PIF1: variants seen among roughly 807,000 people sequenced by gnomAD.
PIF1 encodes the protein ATP-dependent DNA helicase PIF1.
A neutral mutation model predicts 62.3 loss-of-function variants in PIF1; 67 were observed. That is an observed-to-expected ratio of 1.08 (90% confidence interval 0.88 to 1.32). PIF1 has a LOEUF of 1.32. Among genes scored for constraint, PIF1 ranks in the 40% most tolerant of loss-of-function variants. PIF1 has a pLI of 0.00. For synonymous variants in PIF1, 364 were observed against 379.5 expected (o/e 0.96, Z 0.47); for missense variants, 886 against 866.1 (o/e 1.02, Z -0.29).
At position 64,816,707 on chromosome 15, in the gene PIF1, G is replaced by C. The variant is rs375746147; in HGVS notation, c.1733C>G (p.Ala578Gly). The C allele has an allele frequency of 6.8e-6, 11 of 1,612,126 alleles. No homozygotes were observed. Among genetic ancestry groups the C allele is most frequent in the African/African-American group, 4.0e-5 (3 of 74,840 alleles). Reference protein sequence around the residue: ...SLGRVFASGQAYVALSRARSL... With the variant: ...SLGRVFASGQGYVALSRARSL... Reference sequence around the variant, plus strand: ...GCGGGCCCGAGAAAGGGCCACATAGGCCTGGCCACTGGCAAACACACGGCC... The same window carrying C: ...GCGGGCCCGAGAAAGGGCCACATAGCCCTGGCCACTGGCAAACACACGGCC... Residue 578 changes from alanine (A) to glycine (G), a missense_variant, in exon 12 of 13, where the codon GCC (alanine) becomes GGC (glycine). Coordinates refer to ENST00000559239, the MANE Select transcript of PIF1 (RefSeq NM_001286496.2).
intron 11 of PIF1, 122 bp from the exon 12 acceptor site, chr15:64,816,887 T>A: frequency 1.1e-6 from 1 of 888,212 alleles, no homozygotes; most frequent in Non-Finnish European, 1.6e-6. Flanking sequence ...AGAGAGTCTC[T>A]AGACAGAGGG....
rs74778945 is a variant in PIF1, at chr15:64,821,047, C to T, written c.1128G>A (p.Leu376=). 3,787 of 1,614,132 alleles carry T rather than the reference C, an allele frequency of 2.3e-3. 71 individuals are homozygous for T. The African/African-American group carries it at 0.045, about 19-fold the overall frequency. ...WKRCVPVTLE[L]TKVWRQADQT... is the part of the protein sequence containing the mutation. The stretch of plus-strand genomic sequence containing the variant: ...GGTCTGCCTGCCTCCACACCTTGGT[C>T]AGCTCCAGGGTCACTGGCACACACC... The change falls in exon 7 of 13, where the codon CTG becomes CTA. Residue 376 remains leucine (L), a synonymous_variant. Transcript: ENST00000559239.
intron 7 of PIF1, among the ~76,000 whole-genome samples, chr15:64,820,770 T>TCA (rs3057887): frequency 0.96 from 146,657 of 152,280 alleles, 70,706 homozygotes; most frequent in Non-Finnish European, 0.98. Context: ...GTCCCAGCAC[T>TCA]CAGAGCAACC....
At chr15:64,820,064 C>T in intron 7 of PIF1, 78 bp from the exon 8 acceptor site, 1 of 1,544,608 alleles carries the variant, frequency 6.5e-7, no homozygotes, top group Non-Finnish European at 8.8e-7. Context: ...ATGGCTCAAG[C>T]AGCAGGCCAT....
chr15:64,818,375 C>A (rs369834896), intron 9 of PIF1, 31 bp from the exon 10 acceptor site: 3 of 1,603,846 alleles, frequency 1.9e-6, no homozygotes, highest in East Asian at 2.2e-5. Context: ...TGGACAGCAG[C>A]CCCCCTACCC....
rs757504120 is a variant in PIF1 at position 64,818,352 on chromosome 15, G to A, written c.1441-8C>T. ...GTTTTTCACCAGCATCACCTGCAAGGGAGAGAGAGGAATGGACAGCAGCCC... is the reference window on the plus strand; with the variant it reads ...GTTTTTCACCAGCATCACCTGCAAGAGAGAGAGAGGAATGGACAGCAGCCC... On this transcript the variant is annotated splice_polypyrimidine_tract_variant and splice_region_variant and intron_variant, in intron 9 of 12. Coordinates refer to ENST00000559239, the MANE Select transcript of PIF1 (RefSeq NM_001286496.2). 5 of 1,613,602 alleles carry A rather than the reference G, an allele frequency of 3.1e-6. No homozygotes were observed. In the African/African-American group the frequency reaches 5.3e-5, roughly 17 times the overall value.
At position 64,822,123 on chromosome 15, in the gene PIF1, C is replaced by T. The variant is rs1335345177; in HGVS notation, c.817+143G>A. ...CTCCTGGGCTCAAGCGATCCTCCCA[C>T]CTTGGCCTCCTAAAGTTTTGGGATT... On this transcript the variant is annotated intron_variant, in intron 4 of 12. Transcript: ENST00000559239. 4 of 1,062,890 alleles carry T rather than the reference C, an allele frequency of 3.8e-6. No individual in the cohort carries two copies. The African/African-American group carries it at 4.8e-5, about 13-fold the overall frequency. 65.8% of individuals were successfully genotyped at this position (1,062,890 alleles called of 1,614,324 possible).
chr15:64,820,106 A>G, intron 7 of PIF1, 120 bp from the exon 8 acceptor site: 3 of 1,294,754 alleles, frequency 2.3e-6, no homozygotes, highest in Non-Finnish European at 3.2e-6. Flanking sequence ...AGAGGGCACC[A>G]GGGAAGAGTT....
Position 64,816,747 on chromosome 15 carries a change from C to T in PIF1, c.1693G>A (p.Val565Met). The change falls in exon 12 of 13, where the codon GTG becomes ATG. Residue 565 changes from valine (V) to methionine (M), a missense_variant. By Grantham distance (21) the Val-to-Met change is conservative (BLOSUM62 1). Transcript: ENST00000559239. ...AACACACGGCCCAGAGAAATCTCCA[C>T]ACAATCCAGGGTCATGCCCTGGGGG... ...HKSQGMTLDC[V>M]EISLGRVFAS... 6.2e-7 allele frequency: 1 copy of T among 1,606,708 alleles called. No individual in the cohort carries two copies. Among genetic ancestry groups the T allele is most frequent in the African/African-American group, 1.3e-5 (1 of 74,724 alleles).
upstream of PIF1, among the ~76,000 whole-genome samples, chr15:64,826,610 C>A (rs1234551033): frequency 9.4e-6 from 1 of 106,184 alleles, no homozygotes; most frequent in East Asian, 2.8e-4. Context: ...ACTACAGATG[C>A]ACACCCAGCT....
chr15:64,820,733 T>C (rs2084272745), intron 7 of PIF1, among the ~76,000 whole-genome samples: 2 of 148,668 alleles, frequency 1.3e-5, no homozygotes, highest in South Asian at 2.2e-4. Context: ...TGCTAGGTGA[T>C]GGAGACCCAA....
chr15:64,821,565 CTTTTTTTTTTTTTTT>C (rs56305637), intron 4 of PIF1, 45 bp from the exon 5 acceptor site: 12 of 1,249,734 alleles, frequency 9.6e-6, no homozygotes, highest in Non-Finnish European at 9.3e-6. Context: ...CAAAGCCTCT[CTTTTTTTTTTTTTTT>C]TTTTTTTTTG....
upstream of PIF1, chr15:64,825,775 A>T (rs188164397): frequency 1.3e-5 from 2 of 152,370 alleles, no homozygotes; most frequent in East Asian, 1.9e-4. Flanking sequence ...TCTCTACTCC[A>T]GGAGCTTGGG....
Position 64,816,268 on chromosome 15 carries a change from C to A in PIF1, c.*30G>T. 1 of 1,613,490 alleles carries A rather than the reference C, an allele frequency of 6.2e-7. No individual in the cohort carries two copies. Among genetic ancestry groups the A allele is most frequent in the East Asian group, 2.2e-5 (1 of 44,882 alleles). On this transcript the variant is annotated 3_prime_UTR_variant, in exon 13 of 13. Transcript: ENST00000559239. ...GCAGGAGGACGGGGAGGCCACAGGCCACCCTTTGTCTTCTCTTTGTGGGTG... is the reference window on the plus strand; with the variant it reads ...GCAGGAGGACGGGGAGGCCACAGGCAACCCTTTGTCTTCTCTTTGTGGGTG...
chr15:64,822,355 C>T lies in PIF1; in HGVS notation c.728G>A (p.Gly243Asp), dbSNP rs1282418705. 14 of 1,613,546 alleles carry T rather than the reference C, an allele frequency of 8.7e-6. No individual in the cohort carries two copies. The highest frequency in any genetic ancestry group is 1.2e-5 in the Non-Finnish European group (14 of 1,179,966). The change falls in exon 4 of 13, where the codon GGC becomes GAC. Residue 243 changes from glycine (G) to aspartate (D), a missense_variant. Coordinates refer to ENST00000559239, the MANE Select transcript of PIF1 (RefSeq NM_001286496.2). ...CACAGTGCCTGTGGGGGGCAGTGAG[C>T]CCAGGATTCGCTTTAGCAGATATGA... is the stretch of plus-strand genomic sequence containing the variant. ...GKSYLLKRIL[G>D]SLPPTGTVAT...
At chr15:64,826,709 CATATATATATACACACA>C (rs1567090418), upstream of PIF1, among the ~76,000 whole-genome samples, 1 of 134,612 alleles carries the variant, frequency 7.4e-6, no homozygotes, top group African/African-American at 2.8e-5. Context: ...TATACACACA[CATATATATATACACACA>C]CATATATATA....
upstream of PIF1, among the ~76,000 whole-genome samples, chr15:64,826,701 T>TAC (rs376980970): frequency 4.6e-5 from 6 of 130,684 alleles, no homozygotes; most frequent in East Asian, 1.3e-3. Flanking sequence ...CACATATATA[T>TAC]ACACACACAT....
In PIF1 at chr15:64,824,306, C is replaced by T; in HGVS notation, c.30G>A (p.Gly10=). 1 of 1,259,454 alleles carries T rather than the reference C, an allele frequency of 7.9e-7. No individual in the cohort carries two copies. The highest frequency in any genetic ancestry group is 1.0e-6 in the Non-Finnish European group (1 of 1,000,676). 78.0% of individuals were successfully genotyped at this position (1,259,454 alleles called of 1,614,324 possible). A position where few individuals can be genotyped will look rare whatever the true frequency, so the allele number is the denominator to read the frequency against. MLSGIEAAA[G]EYEDSELRCR... ...ACCGCAGCTCCGAGTCCTCATATTC[C>T]CCTGCCGCCGCCTCTATGCCCGAGA... The change falls in exon 2 of 13, where the codon GGG becomes GGA. Residue 10 remains glycine, a synonymous_variant. Coordinates refer to ENST00000559239, the MANE Select transcript of PIF1 (RefSeq NM_001286496.2).
Position 64,824,113 on chromosome 15 carries a change from G to T in PIF1, c.223C>A (p.Arg75Ser). Reference sequence around the variant, plus strand: ...GCCTCGGCGAAACGCGTGAAGAGGCGCGCGGCGCGCAGAGGAAAGCAGCGC... The same window carrying T: ...GCCTCGGCGAAACGCGTGAAGAGGCTCGCGGCGCGCAGAGGAAAGCAGCGC... ...RPRCFPLRAA[R>S]LFTRFAEAGR... The change falls in exon 2 of 13, where the codon CGC becomes AGC. Residue 75 changes from arginine to serine, a missense_variant. By Grantham distance (110) the Arg-to-Ser change is moderately radical. Coordinates refer to ENST00000559239, the MANE Select transcript of PIF1 (RefSeq NM_001286496.2). 1.6e-6 allele frequency: 2 copies of T among 1,272,538 alleles called. No individual in the cohort carries two copies. Among genetic ancestry groups the T allele is most frequent in the East Asian group, 6.4e-5 (2 of 31,368 alleles). 78.8% of individuals were successfully genotyped at this position (1,272,538 alleles called of 1,614,324 possible). A position where few individuals can be genotyped will look rare whatever the true frequency, so the allele number is the denominator to read the frequency against.
Sources: gnomAD v4.1 joint callset for allele counts (sites outside exome capture counted in the v4.1 genomes callset) on GRCh38, gnomAD v4.1.1 for gene constraint, MANE v1.5 for transcripts, NCBI Gene and HGNC (gene_info 2026-07-23, HGNC 2026-07-21) for gene names.